TMEM178B: variants seen among roughly 807,000 people sequenced by gnomAD.
TMEM178B encodes the protein transmembrane protein 178B.
A neutral mutation model predicts 31.0 loss-of-function variants in TMEM178B; 5 were observed. The observed-to-expected ratio is 0.16, with a 90% CI of 0.08 to 0.34. The LOEUF (loss-of-function observed/expected upper bound fraction) is 0.34, where lower values mean the gene tolerates loss of function less well. Ranked by LOEUF, TMEM178B falls within the 10% of genes least tolerant of loss-of-function variation. The probability of loss-of-function intolerance (pLI) is 1.00; values close to 1 mark genes in which losing one functional copy is unlikely to be tolerated. For missense variants in TMEM178B, 275 were observed against 400.3 expected, an observed-to-expected ratio of 0.69 and a Z score of 2.67; for synonymous variants, 164 against 164.0, an observed-to-expected ratio of 1.00 and a Z score of 0.00.
intron 1 of TMEM178B, among the ~76,000 whole-genome samples, chr7:141,130,432 T>G (rs780082408): frequency 6.6e-6 from 1 of 152,224 alleles, no homozygotes; most frequent in Non-Finnish European, 1.5e-5. Flanking sequence ...GTATAGTATG[T>G]GATCTTTTAT....
intron 2 of TMEM178B, among the ~76,000 whole-genome samples, chr7:141,269,988 C>A (rs547108232): frequency 3.9e-5 from 6 of 152,184 alleles, no homozygotes; most frequent in Admixed American, 3.9e-4. Flanking sequence ...TCGCTTGAAC[C>A]CAGGAGGTGG....
At chr7:141,134,429 C>T (rs527884507) in intron 1 of TMEM178B, among the ~76,000 whole-genome samples, 8 of 152,004 alleles carry the variant, frequency 5.3e-5, no homozygotes, top group Admixed American at 1.3e-4. Flanking sequence ...CTAGACTGAA[C>T]CTACAAGAAC....
At chr7:141,376,137 G>A (rs540160128) in intron 2 of TMEM178B, among the ~76,000 whole-genome samples, 15 of 152,316 alleles carry the variant, frequency 9.8e-5, no homozygotes, top group African/African-American at 3.4e-4. Flanking sequence ...CAGACTTCCT[G>A]TCCTTTCTGT....
chr7:141,268,304 A>G lies in TMEM178B; in HGVS notation c.496+55600A>G, dbSNP rs560475539. Reference sequence around the variant, plus strand: ...TATGGTGAAACTTGAGCGGAAGAATAGTGAAATCATTGATGTTTTATGAAA... The same window carrying G: ...TATGGTGAAACTTGAGCGGAAGAATGGTGAAATCATTGATGTTTTATGAAA... On this transcript the variant is annotated intron_variant, in intron 2 of 3. Coordinates refer to ENST00000565468, the MANE Select transcript of TMEM178B (RefSeq NM_001195278.2). 6.6e-4 allele frequency among the ~76,000 whole-genome samples: 100 copies of G among 152,350 alleles called. 1 individual carries two copies. In the South Asian group the frequency reaches 0.017, roughly 26 times the overall value.
At chr7:141,247,179 ATC>A (rs1242155297) in intron 2 of TMEM178B, among the ~76,000 whole-genome samples, 2 of 143,318 alleles carry the variant, frequency 1.4e-5, no homozygotes, top group Non-Finnish European at 3.0e-5. Flanking sequence ...ATACATAGAT[ATC>A]TCTCTATATA....
In TMEM178B at chr7:141,337,026, TCACCAC is replaced by T. The variant is rs1364878528; in HGVS notation, c.497-100564_497-100559del. 4.7e-4 allele frequency among the ~76,000 whole-genome samples: 12 copies of T among 25,418 alleles called. No homozygotes were observed. The South Asian group carries it at 5.3e-3, about 11-fold the overall frequency. The allele number at this position is 25,418 out of a possible 152,430, so 16.7% of individuals were successfully genotyped here. A position where few individuals can be genotyped will look rare whatever the true frequency, so the allele number is the denominator to read the frequency against. ...ATCACCACCACCACCATCACCACCA[TCACCAC>T]CACCACCACCACCACCATCACCACC... is the stretch of plus-strand genomic sequence containing the variant. On this transcript the variant is annotated intron_variant, in intron 2 of 3. Coordinates refer to ENST00000565468, the MANE Select transcript of TMEM178B (RefSeq NM_001195278.2).
At chr7:141,092,431 T>G (rs1044318154) in intron 1 of TMEM178B, among the ~76,000 whole-genome samples, 2 of 152,198 alleles carry the variant, frequency 1.3e-5, no homozygotes, top group Non-Finnish European at 2.9e-5. Flanking sequence ...AATGTACTTA[T>G]GTACAGGTGA....
intron 2 of TMEM178B, among the ~76,000 whole-genome samples, chr7:141,367,066 G>C (rs1452843026): frequency 6.9e-6 from 1 of 144,184 alleles, no homozygotes; most frequent in Non-Finnish European, 1.5e-5. Flanking sequence ...TGCCATTCAG[G>C]GGGAGCCACA....
intron 2 of TMEM178B, among the ~76,000 whole-genome samples, chr7:141,225,632 C>T (rs1797329838): frequency 6.6e-6 from 1 of 152,200 alleles, no homozygotes; most frequent in Non-Finnish European, 1.5e-5. Context: ...AGACTTACAT[C>T]TTTCTATTTT....
chr7:141,295,791 G>A (rs901936298), intron 2 of TMEM178B, among the ~76,000 whole-genome samples: 1 of 152,190 alleles, frequency 6.6e-6, no homozygotes, highest in East Asian at 1.9e-4. Flanking sequence ...CAACCTGGAG[G>A]CAGGTGAAAG....
intron 2 of TMEM178B, among the ~76,000 whole-genome samples, chr7:141,307,038 G>A (rs1010728404): frequency 6.6e-6 from 1 of 152,164 alleles, no homozygotes; most frequent in East Asian, 1.9e-4. Flanking sequence ...TGAGGACAGA[G>A]ATCTTATTCT....
intron 2 of TMEM178B, chr7:141,416,388 G>C (rs1372440684): frequency 1.3e-5 from 2 of 152,634 alleles, no homozygotes. Flanking sequence ...ATTATTTTGT[G>C]CTACTGAGTA....
intron 3 of TMEM178B, among the ~76,000 whole-genome samples, chr7:141,448,087 C>T (rs1801794975): frequency 6.6e-6 from 1 of 151,844 alleles, no homozygotes; most frequent in African/African-American, 2.4e-5. Flanking sequence ...TGCTTAAGAC[C>T]ACCGCTTGCC....
At chr7:141,347,810 C>T (rs535243840) in intron 2 of TMEM178B, among the ~76,000 whole-genome samples, 18 of 152,226 alleles carry the variant, frequency 1.2e-4, no homozygotes, top group Admixed American at 5.9e-4. Flanking sequence ...TCCACTCTGC[C>T]GCACCACCAA....
At chr7:141,211,881 C>T (rs1192573829) in intron 1 of TMEM178B, among the ~76,000 whole-genome samples, 1 of 152,170 alleles carries the variant, frequency 6.6e-6, no homozygotes, top group Admixed American at 6.5e-5. Flanking sequence ...TGAGAAGTTG[C>T]ACTTGTAGCA....
chr7:141,205,965 C>T (rs1406672624), intron 1 of TMEM178B, among the ~76,000 whole-genome samples: 1 of 152,222 alleles, frequency 6.6e-6, no homozygotes, highest in Non-Finnish European at 1.5e-5. Flanking sequence ...GCTCCACCAG[C>T]CTCCTGGGGC....
At position 141,168,748 on chromosome 7, in the gene TMEM178B, C is replaced by T. The variant is rs1177118064; in HGVS notation, c.383-43843C>T. Among the ~76,000 whole-genome samples, 8 of 151,630 alleles carry T rather than the reference C, an allele frequency of 5.3e-5. No homozygotes were observed. The East Asian group carries it at 5.8e-4, about 11-fold the overall frequency. On this transcript the variant is annotated intron_variant, in intron 1 of 3. Coordinates refer to ENST00000565468, the MANE Select transcript of TMEM178B (RefSeq NM_001195278.2). ...TCATGCCACAGCACTCCAGCCTGGGCGACAGAGGGAGACTCTGTCCCCCAA... is the reference window on the plus strand; with the variant it reads ...TCATGCCACAGCACTCCAGCCTGGGTGACAGAGGGAGACTCTGTCCCCCAA...
chr7:141,129,084 T>C (rs113821809), intron 1 of TMEM178B, among the ~76,000 whole-genome samples: 2,320 of 152,282 alleles, frequency 0.015, 62 homozygotes, highest in African/African-American at 0.052. Flanking sequence ...CCAGTTGCCC[T>C]AGGATAGTGG....
chr7:141,317,349 G>A (rs1452545880), intron 2 of TMEM178B, among the ~76,000 whole-genome samples: 2 of 152,190 alleles, frequency 1.3e-5, no homozygotes, highest in Non-Finnish European at 2.9e-5. Context: ...CTGAAGCGAA[G>A]AAAGGCCCTT....
Sources: gnomAD v4.1 joint callset for allele counts (sites outside exome capture counted in the v4.1 genomes callset) on GRCh38, gnomAD v4.1.1 for gene constraint, MANE v1.5 for transcripts, NCBI Gene and HGNC (gene_info 2026-07-23, HGNC 2026-07-21) for gene names.